RABL3: variants seen among roughly 807,000 people sequenced by gnomAD.
RABL3 encodes the protein RAB, member of RAS oncogene family like 3, also known as rab-like protein 3.
A neutral mutation model predicts 31.8 loss-of-function variants in RABL3; 31 were observed. The observed-to-expected ratio is 0.97, with a 90% CI of 0.73 to 1.31. The LOEUF (loss-of-function observed/expected upper bound fraction) is 1.31. RABL3 is among the 40% of genes most tolerant of loss of function. RABL3 has a pLI of 0.00. For missense variants in RABL3, 263 were observed against 279.6 expected (o/e 0.94, Z 0.42); for synonymous variants, 97 against 99.9 (o/e 0.97, Z 0.18).
At chr3:120,723,329 C>A (rs918304430) in intron 2 of RABL3, among the ~76,000 whole-genome samples, 4 of 152,122 alleles carry the variant, frequency 2.6e-5, no homozygotes, top group Non-Finnish European at 4.4e-5. Flanking sequence ...CAAAAAAAGT[C>A]CAGGACCAGA....
intron 2 of RABL3, among the ~76,000 whole-genome samples, chr3:120,721,042 A>G (rs1000319841): frequency 6.6e-6 from 1 of 152,226 alleles, no homozygotes; most frequent in Non-Finnish European, 1.5e-5. Flanking sequence ...AACATTCTTA[A>G]AGAAAAGAAT....
Position 120,685,621 on chromosome 3 carries a change from A to G in RABL3, c.*4202T>C, listed in dbSNP as rs987701860. 6.6e-6 allele frequency among the ~76,000 whole-genome samples: 1 copy of G among 152,240 alleles called. No homozygotes were observed. The highest frequency in any genetic ancestry group is 1.5e-5 in the Non-Finnish European group (1 of 68,042). On this transcript the variant is annotated 3_prime_UTR_variant, in exon 8 of 8. Transcript: ENST00000273375. ...ACAATCATCTCATGTTTAATTTGGC[A>G]TATGTAGCTTTGAGTGGGGAGGAGT...
At chr3:120,735,186 G>C (rs1348390761) in intron 1 of RABL3, among the ~76,000 whole-genome samples, 4 of 151,532 alleles carry the variant, frequency 2.6e-5, no homozygotes, top group Non-Finnish European at 5.9e-5. Context: ...GACTTTTTTT[G>C]GTTGGTAGGC....
At chr3:120,709,500 T>C (rs1366407711) in intron 3 of RABL3, among the ~76,000 whole-genome samples, 1 of 152,070 alleles carries the variant, frequency 6.6e-6, no homozygotes, top group Non-Finnish European at 1.5e-5. Context: ...ACATTTTAAG[T>C]TCCATGTTTT....
At chr3:120,717,285 A>C (rs1708682569) in intron 2 of RABL3, among the ~76,000 whole-genome samples, 1 of 45,718 alleles carries the variant, frequency 2.2e-5, no homozygotes, top group African/African-American at 4.7e-5. Flanking sequence ...AAAAACAACA[A>C]AAAAAAAAAC....
At chr3:120,739,597 T>C (rs748949763) in intron 1 of RABL3, among the ~76,000 whole-genome samples, 2 of 152,172 alleles carry the variant, frequency 1.3e-5, no homozygotes, top group South Asian at 2.1e-4. Context: ...ATTTTACGTA[T>C]GTGTAATTGA....
At chr3:120,690,338 T>C in intron 7 of RABL3, 111 bp downstream of exon 7, 1 of 717,754 alleles carries the variant, frequency 1.4e-6, no homozygotes, top group East Asian at 2.6e-5. Flanking sequence ...AATCAGTTGC[T>C]TGTGCCTATA....
intron 4 of RABL3, among the ~76,000 whole-genome samples, chr3:120,704,573 G>A (rs758337272): frequency 2.6e-5 from 4 of 152,120 alleles, no homozygotes; most frequent in African/African-American, 7.2e-5. Flanking sequence ...CTGCCAGTGC[G>A]AAAAGGCAAG....
At chr3:120,728,075 C>G (rs1708843002) in intron 2 of RABL3, among the ~76,000 whole-genome samples, 1 of 152,012 alleles carries the variant, frequency 6.6e-6, no homozygotes, top group Admixed American at 6.6e-5. Context: ...GGAGTTTCAG[C>G]TAATTCAATA....
rs988010682 is a variant in RABL3, at chr3:120,709,782, T to C, written c.266A>G (p.Asn89Ser). The change falls in exon 3 of 8, where the codon AAT becomes AGT. Residue 89 changes from asparagine (N) to serine (S), a missense_variant and splice_region_variant. Asn to Ser is a conservative substitution (Grantham distance 46, BLOSUM62 1). Transcript: ENST00000273375. ...ATAGAAATTTAAAAATGTTTTACCA[T>C]TTACGGAGTTGTAGAATACTGCTCT... The part of the protein sequence containing the change: ...STRAVFYNSV[N>S]GIIFVHDLTN... The C allele has an allele frequency of 1.9e-6, 3 of 1,606,670 alleles. No homozygotes were observed. The highest frequency in any genetic ancestry group is 1.3e-5 in the African/African-American group (1 of 74,504).
intron 2 of RABL3, among the ~76,000 whole-genome samples, chr3:120,725,517 A>G (rs1708807320): frequency 6.6e-6 from 1 of 152,250 alleles, no homozygotes. Context: ...CTGCAGCACT[A>G]TTCACAATAG....
At position 120,706,021 on chromosome 3, in the gene RABL3, G is replaced by A; in HGVS notation, c.362C>T (p.Thr121Ile). 1 of 1,612,124 alleles carries A rather than the reference G, an allele frequency of 6.2e-7. No individual in the cohort carries two copies. Among genetic ancestry groups the A allele is most frequent in the South Asian group, 1.1e-5 (1 of 91,036 alleles). The change falls in exon 4 of 8, where the codon ACT (threonine) becomes ATT (isoleucine). Residue 121 changes from threonine to isoleucine, a missense_variant. Transcript: ENST00000273375. ...LEALNRDLVP[T>I]GVLVTNGDYD... ...TCACCCATTTGTCACCAAGACTCCA[G>A]TTGGCACCAAATCCCTGTTGAGAGC...
chr3:120,731,825 G>A (rs1708887008), intron 1 of RABL3, among the ~76,000 whole-genome samples: 1 of 152,198 alleles, frequency 6.6e-6, no homozygotes, highest in Non-Finnish European at 1.5e-5. Flanking sequence ...GCTGAGGCAG[G>A]AGGATCACTT....
chr3:120,685,041 A>T lies in RABL3; in HGVS notation c.*4782T>A, dbSNP rs1708293786. Among the ~76,000 whole-genome samples, 1 of 152,238 alleles carries T rather than the reference A, an allele frequency of 6.6e-6. No homozygotes were observed. The highest frequency in any genetic ancestry group is 1.5e-5 in the Non-Finnish European group (1 of 68,048). On this transcript the variant is annotated 3_prime_UTR_variant, in exon 8 of 8. Transcript: ENST00000273375. ...ATCACAACATAGTGTAAGTGCTCTG[A>T]CAGGAAAGAGCCCAGGGATCTAGGG...
intron 2 of RABL3, 58 bp from the exon 3 acceptor site, chr3:120,709,967 C>T (rs985442439): frequency 7.7e-7 from 1 of 1,294,326 alleles, no homozygotes; most frequent in Non-Finnish European, 1.1e-6. Flanking sequence ...TAGTAAGTAC[C>T]CTTATTCCGG....
At chr3:120,714,139 CAT>C (rs1228019359) in intron 2 of RABL3, among the ~76,000 whole-genome samples, 1 of 151,950 alleles carries the variant, frequency 6.6e-6, no homozygotes, top group East Asian at 1.9e-4. Flanking sequence ...AATGCAGAAA[CAT>C]ATTTAGAAAA....
intron 4 of RABL3, among the ~76,000 whole-genome samples, chr3:120,702,332 G>T (rs1708501139): frequency 6.6e-6 from 1 of 152,060 alleles, no homozygotes. Context: ...GCATTAGTTA[G>T]ATTATCATAA....
chr3:120,690,302 CT>C (rs148803084), intron 7 of RABL3, 146 bp downstream of exon 7: 16,695 of 621,460 alleles, frequency 0.027, 309 homozygotes, highest in Middle Eastern at 0.06. Context: ...TGATTTTCTC[CT>C]TTTGTATTTA....
rs184793783 is a variant in RABL3 at position 120,722,957 on chromosome 3, C to G, written c.138+7739G>C. ...AGAAATAACTAAGATCAGAGCAGAA[C>G]TGAAGGAAATAATGATACAAAAAAC... On this transcript the variant is annotated intron_variant, in intron 2 of 7. Coordinates refer to ENST00000273375, the MANE Select transcript of RABL3 (RefSeq NM_173825.5). 3.3e-5 allele frequency among the ~76,000 whole-genome samples: 5 copies of G among 152,164 alleles called. No homozygotes were observed. The East Asian group carries it at 7.7e-4, about 24-fold the overall frequency.
Sources: gnomAD v4.1 joint callset for allele counts (sites outside exome capture counted in the v4.1 genomes callset) on GRCh38, gnomAD v4.1.1 for gene constraint, MANE v1.5 for transcripts, NCBI Gene and HGNC (gene_info 2026-07-23, HGNC 2026-07-21) for gene names.